Variants in MANEA observed in about 807,000 individuals in gnomAD.
MANEA encodes mannosidase endo-alpha, also known as glycoprotein endo-alpha-1,2-mannosidase.
In MANEA, 25 loss-of-function variants were observed where a neutral mutation model predicts 36.8. That is an observed-to-expected ratio of 0.68 (90% confidence interval 0.50 to 0.95). MANEA has a LOEUF of 0.95. MANEA is among the 40% of genes least tolerant of loss of function. The probability of loss-of-function intolerance (pLI) is 0.00; values close to 1 mark genes in which losing one functional copy is unlikely to be tolerated. For synonymous variants in MANEA, 198 were observed against 188.5 expected (o/e 1.05, Z -0.41); for missense variants, 565 against 558.8 (o/e 1.01, Z -0.11).
At chr6:95,577,728 G>C (rs1251651489) in intron 1 of MANEA, 90 bp downstream of exon 1, 1 of 152,248 alleles carries the variant, frequency 6.6e-6, no homozygotes, top group Non-Finnish European at 1.5e-5. Flanking sequence ...CTGCGCGCTC[G>C]CCCGCCAGCC....
intron 3 of MANEA, among the ~76,000 whole-genome samples, chr6:95,597,286 A>G (rs1769499195): frequency 6.6e-6 from 1 of 152,090 alleles, no homozygotes; most frequent in African/African-American, 2.4e-5. Context: ...ACCTGAGTAA[A>G]TATAGAATAC....
chr6:95,600,461 G>C (rs1232297044), intron 3 of MANEA, among the ~76,000 whole-genome samples: 1 of 152,066 alleles, frequency 6.6e-6, no homozygotes, highest in African/African-American at 2.4e-5. Context: ...AGTTTTATTG[G>C]ATTTGTCTAT....
chr6:95,599,765 G>T (rs1449096100), intron 3 of MANEA, among the ~76,000 whole-genome samples: 1 of 152,152 alleles, frequency 6.6e-6, no homozygotes, highest in African/African-American at 2.4e-5. Context: ...CCATAAAGCT[G>T]CCTCTTCTTT....
chr6:95,598,614 C>T (rs1179178939), intron 3 of MANEA, among the ~76,000 whole-genome samples: 1 of 151,886 alleles, frequency 6.6e-6, no homozygotes, highest in African/African-American at 2.4e-5. Flanking sequence ...TACTTCTGTC[C>T]CATTCTGTTG....
Position 95,603,769 on chromosome 6 carries a change from G to C in MANEA, c.655-1058G>C, listed in dbSNP as rs1275615437. ...CCATAAAGATTTTTAGTTGATGTTG[G>C]TAAGTCAGTAAAACTAGGAATAAAA... On this transcript the variant is annotated intron_variant, in intron 3 of 4. Coordinates refer to ENST00000358812, the MANE Select transcript of MANEA (RefSeq NM_024641.4). 4.6e-5 allele frequency among the ~76,000 whole-genome samples: 7 copies of C among 152,064 alleles called. No homozygotes were observed. The East Asian group carries it at 1.4e-3, about 29-fold the overall frequency.
At position 95,609,269 on chromosome 6, in the gene MANEA, CTG is replaced by C. The variant is rs1420014795; in HGVS notation, c.*2866_*2867del. On this transcript the variant is annotated 3_prime_UTR_variant, in exon 5 of 5. Transcript: ENST00000358812. ...GGTTTAATCAGTCTAATTGTTTTGA[CTG>C]TTATAGAAACCAAATATTTTACTGT... 2.6e-5 allele frequency: 4 copies of C among 151,618 alleles called. No individual in the cohort carries two copies. The highest frequency in any genetic ancestry group is 9.7e-5 in the African/African-American group (4 of 41,368). The allele number at this position is 151,618 out of a possible 1,614,324, so 9.4% of individuals were successfully genotyped here. A position where few individuals can be genotyped will look rare whatever the true frequency, so the allele number is the denominator to read the frequency against.
rs1240178358 is a variant in MANEA at position 95,607,152 on chromosome 6, C to T, written c.*747C>T. On this transcript the variant is annotated 3_prime_UTR_variant, in exon 5 of 5. Transcript: ENST00000358812. ...TGACATGTTTAGTGTTTCTGCTTTA[C>T]AGTGCTGAATTCCATATTTTAGAAG... 1.3e-5 allele frequency: 2 copies of T among 152,066 alleles called. No homozygotes were observed. Among genetic ancestry groups the T allele is most frequent in the Non-Finnish European group, 2.9e-5 (2 of 67,974 alleles). 9.4% of individuals were successfully genotyped at this position (152,066 alleles called of 1,614,324 possible). A position where few individuals can be genotyped will look rare whatever the true frequency, so the allele number is the denominator to read the frequency against.
intron 3 of MANEA, among the ~76,000 whole-genome samples, chr6:95,597,135 T>C (rs964392013): frequency 2.6e-5 from 4 of 152,004 alleles, no homozygotes; most frequent in African/African-American, 9.7e-5. Flanking sequence ...TGTCTAAATA[T>C]CTTAGATGTC....
chr6:95,585,249 C>A (rs1002314385), intron 1 of MANEA, among the ~76,000 whole-genome samples: 1 of 152,098 alleles, frequency 6.6e-6, no homozygotes, highest in Non-Finnish European at 1.5e-5. Flanking sequence ...ACATATAATA[C>A]CCTTTCAGAA....
At chr6:95,587,021 G>C (rs777022869) in intron 2 of MANEA, 38 bp downstream of exon 2, 1 of 1,016,262 alleles carries the variant, frequency 9.8e-7, no homozygotes, top group Non-Finnish European at 1.5e-6. Flanking sequence ...GTTTGTGTCT[G>C]TATATATGCA....
chr6:95,594,580 A>G (rs1049852450), intron 2 of MANEA, among the ~76,000 whole-genome samples: 1 of 152,104 alleles, frequency 6.6e-6, no homozygotes, highest in Non-Finnish European at 1.5e-5. Context: ...ATTCTTGTGC[A>G]TGGTGTTTTA....
intron 3 of MANEA, among the ~76,000 whole-genome samples, chr6:95,598,560 G>C (rs1769527965): frequency 6.6e-6 from 1 of 152,016 alleles, no homozygotes. Context: ...GGTTGTTTTT[G>C]TTTGTTTTGT....
chr6:95,588,238 A>G (rs981516739), intron 2 of MANEA: 2 of 152,058 alleles, frequency 1.3e-5, no homozygotes, highest in African/African-American at 2.4e-5. Context: ...GGGTATTCTT[A>G]CATTTTTCCA....
chr6:95,597,034 T>C (rs995104040), intron 3 of MANEA, among the ~76,000 whole-genome samples, 188 bp downstream of exon 3: 2 of 152,008 alleles, frequency 1.3e-5, no homozygotes, highest in Non-Finnish European at 2.9e-5. Context: ...TTTTAGAGAT[T>C]CTTTACTATG....
At chr6:95,586,369 A>T in intron 1 of MANEA, 33 bp from the exon 2 acceptor site, 1 of 1,241,186 alleles carries the variant, frequency 8.1e-7, no homozygotes, top group Non-Finnish European at 1.1e-6. Flanking sequence ...TGTTGATAAC[A>T]CTTACTAATT....
At chr6:95,604,158 A>C (rs1274571984) in intron 3 of MANEA, among the ~76,000 whole-genome samples, 2 of 150,468 alleles carry the variant, frequency 1.3e-5, no homozygotes, top group African/African-American at 4.9e-5. Context: ...ACACTAGTGG[A>C]TATTATTTTT....
chr6:95,587,873 T>C (rs1769317073), intron 2 of MANEA, among the ~76,000 whole-genome samples: 1 of 152,094 alleles, frequency 6.6e-6, no homozygotes, highest in Admixed American at 6.5e-5. Flanking sequence ...TTTTTCCTTC[T>C]TTTTCTTCCT....
rs907704473 is a variant in MANEA, at chr6:95,605,683, A to G, written c.732-65A>G. On this transcript the variant is annotated intron_variant, in intron 4 of 4. Transcript: ENST00000358812. ...ACTGACTCCTTCATTTTCAGTAAACAGTTTTTGTCTGTGGCAAATTAGTTG... is the reference window on the plus strand; with the variant it reads ...ACTGACTCCTTCATTTTCAGTAAACGGTTTTTGTCTGTGGCAAATTAGTTG... The G allele has an allele frequency of 9.1e-6, 11 of 1,213,012 alleles. No individual in the cohort carries two copies. The Admixed American group carries it at 2.1e-4, about 23-fold the overall frequency. 75.1% of individuals were successfully genotyped at this position (1,213,012 alleles called of 1,614,324 possible).
rs559349694 is a variant in MANEA at position 95,601,826 on chromosome 6, T to C, written c.655-3001T>C. Reference sequence around the variant, plus strand: ...ATAAATTTAGTATGTTATTTTAAAGTAGCATATTTTCTTTCTACTTTATGC... The same window carrying C: ...ATAAATTTAGTATGTTATTTTAAAGCAGCATATTTTCTTTCTACTTTATGC... On this transcript the variant is annotated intron_variant, in intron 3 of 4. Coordinates refer to ENST00000358812, the MANE Select transcript of MANEA (RefSeq NM_024641.4). 3.4e-5 allele frequency among the ~76,000 whole-genome samples: 5 copies of C among 148,414 alleles called. No individual in the cohort carries two copies. The East Asian group carries it at 1.0e-3, about 30-fold the overall frequency.
Sources: gnomAD v4.1 joint callset for allele counts (sites outside exome capture counted in the v4.1 genomes callset) on GRCh38, gnomAD v4.1.1 for gene constraint, MANE v1.5 for transcripts, NCBI Gene and HGNC (gene_info 2026-07-23, HGNC 2026-07-21) for gene names.